The following WNT10A variants were observed in gnomAD, a reference collection of about 807,000 sequenced individuals.
WNT10A encodes the protein Wnt family member 10A, also known as protein Wnt-10a.
In WNT10A, 37 loss-of-function variants were observed where a neutral mutation model predicts 36.1. That is an observed-to-expected ratio of 1.02 (90% CI 0.79 to 1.35). The LOEUF (loss-of-function observed/expected upper bound fraction) is 1.35. WNT10A is among the 40% of genes most tolerant of loss of function. The probability of loss-of-function intolerance (pLI) is 0.00; values close to 1 mark genes in which losing one functional copy is unlikely to be tolerated. For missense variants in WNT10A, 613 were observed against 601.4 expected (o/e 1.02, Z -0.20); for synonymous variants, 255 against 254.1 (o/e 1.00, Z -0.03).
At chr2:218,881,540 C>CTGTGTG (rs142861827) in intron 1 of WNT10A, among the ~76,000 whole-genome samples, 1,509 of 141,574 alleles carry the variant, frequency 0.011, 24 homozygotes, top group African/African-American at 0.037. Context: ...GCTGCAAGAG[C>CTGTGTG]TGTGTGTGTG....
chr2:218,886,980 G>C (rs1944586669), intron 2 of WNT10A, among the ~76,000 whole-genome samples: 2 of 152,200 alleles, frequency 1.3e-5, no homozygotes, highest in African/African-American at 4.8e-5. Context: ...AGTTTCCCCA[G>C]GCTTACCCTT....
the WNT10A span, among the ~76,000 whole-genome samples, chr2:218,875,818 TG>T: frequency 6.6e-6 from 1 of 152,246 alleles, no homozygotes; most frequent in Non-Finnish European, 1.5e-5. Flanking sequence ...ACTGTGAGAA[TG>T]GGGACAGACA....
rs199660502 is a variant in WNT10A, at chr2:218,892,770, G to A, written c.757-4G>A. 5 of 1,585,120 alleles carry A rather than the reference G, an allele frequency of 3.2e-6. No individual in the cohort carries two copies. Among genetic ancestry groups the A allele is most frequent in the East Asian group, 2.3e-5 (1 of 43,476 alleles). Reference sequence around the variant, plus strand: ...GTCACCCCTCACGGTGCCTCCCTCCGCAGGCAGTGATGGAGAACATGCGGC... The same window carrying A: ...GTCACCCCTCACGGTGCCTCCCTCCACAGGCAGTGATGGAGAACATGCGGC... On this transcript the variant is annotated splice_region_variant and splice_polypyrimidine_tract_variant and intron_variant, in intron 3 of 3. Transcript: ENST00000258411.
chr2:218,880,836 C>A, upstream of WNT10A: 2 of 761,528 alleles, frequency 2.6e-6, no homozygotes, highest in Non-Finnish European at 3.9e-6. This position sits in a 1 kb window ranked among gnomAD's most constrained non-coding sequence, Gnocchi z 7.7. Context: ...CCCCATGGAG[C>A]GGGGAGGCGG....
intron 1 of WNT10A, among the ~76,000 whole-genome samples, chr2:218,881,708 G>A (rs945712462): frequency 2.0e-5 from 3 of 152,208 alleles, no homozygotes; most frequent in Admixed American, 2.0e-4. Flanking sequence ...CTTTGTGTGT[G>A]TGTCTGTAAC....
intron 2 of WNT10A, among the ~76,000 whole-genome samples, chr2:218,886,733 C>T (rs2106014387): frequency 6.6e-6 from 1 of 152,068 alleles, no homozygotes; most frequent in South Asian, 2.1e-4. Flanking sequence ...GTGTCTGCCC[C>T]AGACAGCTGG....
At chr2:218,879,099 A>G (rs1944480517), upstream of WNT10A, among the ~76,000 whole-genome samples, 1 of 57,118 alleles carries the variant, frequency 1.8e-5, no homozygotes, top group African/African-American at 5.7e-5. Context: ...CACCCCCAGC[A>G]GCCTCAAGCC....
intron 2 of WNT10A, 35 bp from the exon 3 acceptor site, chr2:218,889,949 T>A: frequency 1.2e-6 from 2 of 1,611,398 alleles, no homozygotes; most frequent in African/African-American, 2.7e-5. Context: ...TCAAGGCCCC[T>A]CCAGAGTCCA....
chr2:218,886,795 G>A (rs987081902), intron 2 of WNT10A, among the ~76,000 whole-genome samples: 3 of 152,240 alleles, frequency 2.0e-5, no homozygotes, highest in African/African-American at 7.2e-5. Flanking sequence ...AGACCCAGTG[G>A]GCTGGGCTTC....
Position 218,880,914 on chromosome 2 carries a change from C to G in WNT10A, c.-82C>G. 1 of 1,455,342 alleles carries G rather than the reference C, an allele frequency of 6.9e-7. No homozygotes were observed. Among genetic ancestry groups the G allele is most frequent in the Non-Finnish European group, 9.0e-7 (1 of 1,107,166 alleles). The allele number at this position is 1,455,342 out of a possible 1,614,324, so 90.2% of individuals were successfully genotyped here. The stretch of plus-strand genomic sequence containing the variant: ...TGTCGCAGCCGCCCCGACCCCCCGC[C>G]GATCATGCGCCGGCGCCCCTGGCTC... On this transcript the variant is annotated 5_prime_UTR_variant, in exon 1 of 4. Transcript: ENST00000258411. The surrounding 1 kb of genome is among the most constrained non-coding windows in gnomAD (Gnocchi z 7.7).
At chr2:218,880,746 C>A, upstream of WNT10A, 1 of 454,342 alleles carries the variant, frequency 2.2e-6, no homozygotes, top group Non-Finnish European at 3.9e-6. The surrounding 1 kb of genome is among the most constrained non-coding windows in gnomAD (Gnocchi z 7.7). Context: ...GGAAATTCCC[C>A]GGACCCCTGT....
At chr2:218,886,333 T>A (rs1230203036) in intron 2 of WNT10A, among the ~76,000 whole-genome samples, 1 of 152,234 alleles carries the variant, frequency 6.6e-6, no homozygotes, top group African/African-American at 2.4e-5. Context: ...CCCAGGCACA[T>A]GAGCAATGCA....
chr2:218,878,599 CCAGGCCTTTCCCTGGAAAGGCT>C (rs1323723023), upstream of WNT10A, among the ~76,000 whole-genome samples: 1 of 151,988 alleles, frequency 6.6e-6, no homozygotes, highest in Non-Finnish European at 1.5e-5. The surrounding 1 kb of genome is among the most constrained non-coding windows in gnomAD (Gnocchi z 4.1). Context: ...AGACAGACAC[CCAGGCCTTTCCCTGGAAAGGCT>C]GATTCAACTT....
Position 218,890,255 on chromosome 2 carries a change from C to T in WNT10A, c.648C>T (p.Pro216=), listed in dbSNP as rs748375898. 20 of 1,613,190 alleles carry T rather than the reference C, an allele frequency of 1.2e-5. No individual in the cohort carries two copies. The highest frequency in any genetic ancestry group is 5.0e-5 in the Admixed American group (3 of 60,010). ...QDSWEWGGCS[P]DMGFGERFSK... The stretch of plus-strand genomic sequence containing the variant: ...CCTGGGAGTGGGGCGGCTGCAGCCC[C>T]GACATGGGCTTCGGGGAGCGCTTTT... Residue 216 remains proline, a synonymous_variant, in exon 3 of 4, where the codon CCC becomes CCT. Coordinates refer to ENST00000258411, the MANE Select transcript of WNT10A (RefSeq NM_025216.3).
rs1575229853 is a variant in WNT10A at position 218,882,194 on chromosome 2, C to T, written c.147C>T (p.Leu49=). Residue 49 remains leucine, a synonymous_variant, in exon 2 of 4, where the codon CTC becomes CTT. Transcript: ENST00000258411. ...CCAATGACATTCTGGACCTCCGCCTCCCCCCGGAGCCCGTGCTCAATGCCA... is the reference window on the plus strand; with the variant it reads ...CCAATGACATTCTGGACCTCCGCCTTCCCCCGGAGCCCGTGCTCAATGCCA... ...SAPNDILDLR[L]PPEPVLNANT... is the part of the protein sequence containing the mutation. 2 of 1,613,980 alleles carry T rather than the reference C, an allele frequency of 1.2e-6. No individual in the cohort carries two copies. The highest frequency in any genetic ancestry group is 1.7e-6 in the Non-Finnish European group (2 of 1,179,926).
intron 3 of WNT10A, among the ~76,000 whole-genome samples, chr2:218,892,193 C>T (rs945125786): frequency 1.3e-5 from 2 of 152,012 alleles, no homozygotes; most frequent in African/African-American, 4.8e-5. Flanking sequence ...CAGCACTTGT[C>T]CCCCTCCTTT....
intron 2 of WNT10A, among the ~76,000 whole-genome samples, chr2:218,885,709 G>A (rs1057197576): frequency 6.6e-6 from 1 of 152,174 alleles, no homozygotes; most frequent in African/African-American, 2.4e-5. Context: ...CCACAGCCCC[G>A]GCCCATTTTT....
intron 2 of WNT10A, chr2:218,884,170 G>A (rs953540579): frequency 2.0e-5 from 3 of 152,464 alleles, no homozygotes; most frequent in Non-Finnish European, 4.4e-5. Flanking sequence ...GTGAATCCAG[G>A]TGCCCTGAGT....
upstream of WNT10A, among the ~76,000 whole-genome samples, chr2:218,879,172 G>A (rs2106009552): frequency 6.7e-6 from 1 of 150,078 alleles, no homozygotes; most frequent in East Asian, 2.0e-4. Flanking sequence ...GGGGGAGTAT[G>A]CCGTCAGCCT....
Sources: allele counts gnomAD v4.1 joint callset (sites outside exome capture counted in the v4.1 genomes callset), GRCh38; gene constraint gnomAD v4.1.1; non-coding constraint Gnocchi (gnomAD v3.1); transcripts MANE v1.5; gene names NCBI Gene and HGNC (gene_info 2026-07-23, HGNC 2026-07-21).